PNPLA5: variants seen among roughly 807,000 people sequenced by gnomAD.
The protein encoded by PNPLA5 is patatin-like phospholipase domain-containing protein 5.
Under a neutral mutation model 49.1 loss-of-function variants are expected in PNPLA5, and 44 were observed. The observed-to-expected ratio is 0.90, with a 90% CI of 0.70 to 1.15. PNPLA5 has a LOEUF of 1.15. PNPLA5 is among the 50% of genes most tolerant of loss of function. The pLI, the probability that PNPLA5 is intolerant of heterozygous loss-of-function variation, is 0.00. For missense variants in PNPLA5, 603 were observed against 564.0 expected (o/e 1.07, Z -0.70); for synonymous variants, 243 against 244.4 (o/e 0.99, Z 0.06).
At chr22:43,889,606 G>A (rs973115932) in intron 3 of PNPLA5, 68 bp from the exon 4 acceptor site, 11 of 1,547,156 alleles carry the variant, frequency 7.1e-6, no homozygotes, top group African/African-American at 6.9e-5. Flanking sequence ...GGCTGCAGCC[G>A]GTGACCCTCC....
At position 43,891,223 on chromosome 22, in the gene PNPLA5, C is replaced by T; in HGVS notation, c.265G>A (p.Ala89Thr). ...TTGACGTGCTCGATGGGCGCGTAGG[C>T]CGGGTGCAGGATGCTTAGGCTCAGC... ...ERLSLSILHP[A>T]YAPIEHVKQQ... The change falls in exon 2 of 9, where the codon GCC (alanine) becomes ACC (threonine). Residue 89 changes from alanine (A) to threonine (T), a missense_variant. Transcript: ENST00000216177. 6.4e-7 allele frequency: 1 copy of T among 1,574,768 alleles called. No homozygotes were observed. Among genetic ancestry groups the T allele is most frequent in the Non-Finnish European group, 8.6e-7 (1 of 1,156,928 alleles).
At chr22:43,883,148 C>T (rs567776570) in intron 7 of PNPLA5, among the ~76,000 whole-genome samples, 17 of 152,340 alleles carry the variant, frequency 1.1e-4, no homozygotes, top group Middle Eastern at 3.4e-3. Context: ...GCCTGGTGGA[C>T]GCTGACTCAT....
chr22:43,881,738 C>T (rs1050177938), intron 7 of PNPLA5, 64 bp from the exon 8 acceptor site: 5 of 1,576,574 alleles, frequency 3.2e-6, no homozygotes, highest in Non-Finnish European at 4.3e-6. Flanking sequence ...CCAAGCCCAC[C>T]CTCCCCATAG....
At position 43,891,844 on chromosome 22, in the gene PNPLA5, A is replaced by T. The variant is rs1220979866; in HGVS notation, c.37T>A (p.Ser13Thr). ...CCCAGGTAGCCGGCGCCGGAGAAGG[A>T]CAGGTTCCATCTGCCCTCCTCCTCT... Reference protein sequence around the residue: ...FLEEEGRWNLSFSGAGYLGAH... With the variant: ...FLEEEGRWNLTFSGAGYLGAH... The change falls in exon 1 of 9, where the codon TCC becomes ACC. Residue 13 changes from serine to threonine, a missense_variant. Coordinates refer to ENST00000216177, the MANE Select transcript of PNPLA5 (RefSeq NM_138814.4). 6.6e-7 allele frequency: 1 copy of T among 1,522,920 alleles called. No individual in the cohort carries two copies. The highest frequency in any genetic ancestry group is 8.8e-7 in the Non-Finnish European group (1 of 1,140,164). The allele number at this position is 1,522,920 out of a possible 1,614,324, so 94.3% of individuals were successfully genotyped here.
chr22:43,891,589 A>G, intron 1 of PNPLA5, 99 bp downstream of exon 1: 1 of 1,382,810 alleles, frequency 7.2e-7, no homozygotes, highest in Non-Finnish European at 9.6e-7. Context: ...CCGGGGGTAG[A>G]GGGCGCAGAG....
chr22:43,891,701 G>A lies in PNPLA5; in HGVS notation c.180C>T (p.Cys60=). 1 of 1,546,896 alleles carries A rather than the reference G, an allele frequency of 6.5e-7. No individual in the cohort carries two copies. Among genetic ancestry groups the A allele is most frequent in the Non-Finnish European group, 8.7e-7 (1 of 1,145,802 alleles). The change falls in exon 1 of 9, where the codon TGC becomes TGT. Residue 60 remains cysteine (C), a synonymous_variant. Transcript: ENST00000216177. ...TCCGGGACTCACCGACCGACTTGCC[G>A]CAGACGATGCTGACTGCGTTGAGCG... ...SGALNAVSIV[C]GKSVDFCCSH... is the part of the protein sequence containing the mutation.
At chr22:43,890,940 G>T in intron 2 of PNPLA5, 122 bp downstream of exon 2, 1 of 1,298,160 alleles carries the variant, frequency 7.7e-7, no homozygotes, top group Non-Finnish European at 1.0e-6. Context: ...CTACAAACAG[G>T]TCCACCCGCC....
Position 43,880,326 on chromosome 22 carries a change from C to A in PNPLA5, c.*469G>T. 2.5e-6 allele frequency: 1 copy of A among 398,350 alleles called. No homozygotes were observed. The highest frequency in any genetic ancestry group is 4.4e-6 in the Non-Finnish European group (1 of 226,120). The allele number at this position is 398,350 out of a possible 1,614,324, so 24.7% of individuals were successfully genotyped here. On this transcript the variant is annotated 3_prime_UTR_variant, in exon 9 of 9. Transcript: ENST00000216177. The stretch of plus-strand genomic sequence containing the variant: ...AAGGTTTCCTGAGTGGGGTAGATGC[C>A]GGGGGTCACCCCCAAGGGCCGCTGC...
chr22:43,886,231 G>A (rs2148327969), intron 6 of PNPLA5, 72 bp downstream of exon 6: 1 of 1,507,474 alleles, frequency 6.6e-7, no homozygotes, highest in Non-Finnish European at 8.9e-7. Context: ...GTGCCTTCAA[G>A]GCAGGGTCCC....
chr22:43,883,708 G>A (rs1013506338), intron 7 of PNPLA5, among the ~76,000 whole-genome samples: 1 of 152,088 alleles, frequency 6.6e-6, no homozygotes, highest in Non-Finnish European at 1.5e-5. Context: ...CTACTTAGGA[G>A]GCTGAGGCAG....
chr22:43,884,356 A>G lies in PNPLA5; in HGVS notation c.950-11T>C. ...ATGCTTTCTTCAGTGCTGCAAGAGA[A>G]GCCCTGGCATGGCCCTGCCCACCTG... On this transcript the variant is annotated splice_polypyrimidine_tract_variant and intron_variant, in intron 6 of 8. Transcript: ENST00000216177. The G allele has an allele frequency of 6.5e-7, 1 of 1,546,634 alleles. No individual in the cohort carries two copies. Among genetic ancestry groups the G allele is most frequent in the Non-Finnish European group, 8.7e-7 (1 of 1,144,154 alleles).
Position 43,880,800 on chromosome 22 carries a change from C to A in PNPLA5, c.1285G>T (p.Ala429Ser), listed in dbSNP as rs764134131. 118 of 1,336,994 alleles carry A rather than the reference C, an allele frequency of 8.8e-5. No individual in the cohort carries two copies. Among genetic ancestry groups the A allele is most frequent in the Non-Finnish European group, 1.1e-4 (115 of 1,037,844 alleles). The allele number at this position is 1,336,994 out of a possible 1,614,324, so 82.8% of individuals were successfully genotyped here. A position where few individuals can be genotyped will look rare whatever the true frequency, so the allele number is the denominator to read the frequency against. The change falls in exon 9 of 9, where the codon GCC (alanine) becomes TCC (serine). Residue 429 changes from alanine (A) to serine (S), a missense_variant. Physicochemically the swap from Ala to Ser is moderately conservative, Grantham distance 99 (BLOSUM62 1). Transcript: ENST00000216177. ...GCTGGCCCTGCTCGGCCCCCTCAGG[C>A]CTGGTGGGTGGGCCCGAGCTCCTCT... is the stretch of plus-strand genomic sequence containing the variant. ...HREELGPTHQ[A>S]
Position 43,881,679 on chromosome 22 carries a change from A to G in PNPLA5, c.1083-5T>C. The G allele has an allele frequency of 6.2e-7, 1 of 1,613,310 alleles. No individual in the cohort carries two copies. On this transcript the variant is annotated splice_region_variant and splice_polypyrimidine_tract_variant and intron_variant, in intron 7 of 8. Coordinates refer to ENST00000216177, the MANE Select transcript of PNPLA5 (RefSeq NM_138814.4). The stretch of plus-strand genomic sequence containing the variant: ...TCGGGCAGCCACACCACCAACCTGG[A>G]GGAAGGGGCAGGTCAGCTTTGCCCA...
At position 43,891,172 on chromosome 22, in the gene PNPLA5, G is replaced by C. The variant is rs758305901; in HGVS notation, c.316C>G (p.Pro106Ala). 33 of 1,598,714 alleles carry C rather than the reference G, an allele frequency of 2.1e-5. No homozygotes were observed. Among genetic ancestry groups the C allele is most frequent in the Non-Finnish European group, 2.8e-5 (33 of 1,170,342 alleles). Residue 106 changes from proline to alanine, a missense_variant, in exon 2 of 9, where the codon CCC becomes GCC. Coordinates refer to ENST00000216177, the MANE Select transcript of PNPLA5 (RefSeq NM_138814.4). Reference protein sequence around the residue: ...VKQQLQDALPPDAHVLASQRL... With the variant: ...VKQQLQDALPADAHVLASQRL... ...TGGGAGGCCAGGACGTGGGCGTCGGGGGGCAGAGCATCCTGCAGCTGCTGC... is the reference window on the plus strand; with the variant it reads ...TGGGAGGCCAGGACGTGGGCGTCGGCGGGCAGAGCATCCTGCAGCTGCTGC...
chr22:43,886,427 G>A lies in PNPLA5; in HGVS notation c.825C>T (p.Asp275=), dbSNP rs739232. Residue 275 remains aspartate (D), a synonymous_variant, in exon 6 of 9, where the codon GAC becomes GAT. Coordinates refer to ENST00000216177, the MANE Select transcript of PNPLA5 (RefSeq NM_138814.4). ...LVSKEPPAPA[D]GNWDAGCDQR... The stretch of plus-strand genomic sequence containing the variant: ...GGTCACAGCCAGCATCCCAGTTTCC[G>A]TCAGCCGGGGCTGGGGGTTCCTTAG... The A allele has an allele frequency of 0.4, 639,477 of 1,612,920 alleles. 137,178 individuals carry two copies. The highest frequency in any genetic ancestry group is 0.93 in the East Asian group (41,776 of 44,856).
rs2049595117 is a variant in PNPLA5, at chr22:43,880,327, G to A, written c.*468C>T. 1.8e-5 allele frequency: 7 copies of A among 398,150 alleles called. No homozygotes were observed. The highest frequency in any genetic ancestry group is 2.7e-5 in the Non-Finnish European group (6 of 225,968). The allele number at this position is 398,150 out of a possible 1,614,324, so 24.7% of individuals were successfully genotyped here. A position where few individuals can be genotyped will look rare whatever the true frequency, so the allele number is the denominator to read the frequency against. On this transcript the variant is annotated 3_prime_UTR_variant, in exon 9 of 9. Coordinates refer to ENST00000216177, the MANE Select transcript of PNPLA5 (RefSeq NM_138814.4). ...AGGTTTCCTGAGTGGGGTAGATGCC[G>A]GGGGTCACCCCCAAGGGCCGCTGCA...
rs536397937 is a variant in PNPLA5, at chr22:43,886,565, G to T, written c.764-77C>A. 2.6e-6 allele frequency: 4 copies of T among 1,522,518 alleles called. No individual in the cohort carries two copies. In the East Asian group the frequency reaches 6.8e-5, roughly 26 times the overall value. The allele number at this position is 1,522,518 out of a possible 1,614,324, so 94.3% of individuals were successfully genotyped here. A position where few individuals can be genotyped will look rare whatever the true frequency, so the allele number is the denominator to read the frequency against. ...CGCCCCATGCTGCCCACATCCCTCA[G>T]AGCCCAAACCCAGTTCTGGGGATCC... On this transcript the variant is annotated intron_variant, in intron 5 of 8. Coordinates refer to ENST00000216177, the MANE Select transcript of PNPLA5 (RefSeq NM_138814.4).
chr22:43,891,976 A>C lies in PNPLA5; in HGVS notation c.-96T>G. On this transcript the variant is annotated 5_prime_UTR_variant, in exon 1 of 9. Coordinates refer to ENST00000216177, the MANE Select transcript of PNPLA5 (RefSeq NM_138814.4). ...CAGCCTTGGACGGGGCTGGGCCCAA[A>C]TGTGGGCTCTGGAGGGAGCCGGGCT... 9 of 1,271,374 alleles carry C rather than the reference A, an allele frequency of 7.1e-6. No individual in the cohort carries two copies. Among genetic ancestry groups the C allele is most frequent in the Non-Finnish European group, 9.5e-6 (9 of 947,452 alleles). The allele number at this position is 1,271,374 out of a possible 1,614,324, so 78.8% of individuals were successfully genotyped here.
rs751440689 is a variant in PNPLA5, at chr22:43,886,475, T to C, written c.777A>G (p.Glu259=). ...TAGACACCAGCGTCCATAGCACTGG[T>C]TCCTTGGTGAGTCCTGGGTCAGGGG... The part of the protein sequence containing the change: ...RFLERRGLTK[E]PVLWTLVSKE... Residue 259 remains glutamate, a synonymous_variant, in exon 6 of 9, where the codon GAA becomes GAG. Coordinates refer to ENST00000216177, the MANE Select transcript of PNPLA5 (RefSeq NM_138814.4). The C allele has an allele frequency of 6.2e-7, 1 of 1,613,130 alleles. No individual in the cohort carries two copies. The highest frequency in any genetic ancestry group is 1.7e-5 in the Admixed American group (1 of 59,960).
Sources: allele counts gnomAD v4.1 joint callset (sites outside exome capture counted in the v4.1 genomes callset), GRCh38; gene constraint gnomAD v4.1.1; transcripts MANE v1.5; gene names NCBI Gene and HGNC (gene_info 2026-07-23, HGNC 2026-07-21).